PCSK5: variants seen among roughly 807,000 people sequenced by gnomAD.
PCSK5 encodes the protein proprotein convertase subtilisin/kexin type 5.
PCSK5 carries 129 observed loss-of-function variants against 233.2 expected under a neutral mutation model. The ratio of observed to expected loss-of-function variants is 0.55; its 90% confidence interval spans 0.48 to 0.64. The LOEUF (loss-of-function observed/expected upper bound fraction) is 0.64, where lower values mean the gene tolerates loss of function less well. PCSK5 is among the 30% of genes least tolerant of loss of function. The probability of loss-of-function intolerance (pLI) is 0.00; values close to 1 mark genes in which losing one functional copy is unlikely to be tolerated. For synonymous variants in PCSK5, 825 were observed against 879.2 expected (o/e 0.94, Z 1.09); for missense variants, 2,076 against 2,430.1 (o/e 0.85, Z 3.06).
At chr9:75,918,811 T>C (rs1823118561) in intron 1 of PCSK5, among the ~76,000 whole-genome samples, 2 of 152,258 alleles carry the variant, frequency 1.3e-5, no homozygotes, top group South Asian at 4.1e-4. Context: ...ATGTGGTTGC[T>C]ATGACTTTAG....
chr9:76,292,909 C>T (rs1828321778), intron 25 of PCSK5, among the ~76,000 whole-genome samples: 1 of 152,182 alleles, frequency 6.6e-6, no homozygotes, highest in African/African-American at 2.4e-5. Context: ...GATGCATGGG[C>T]TGCATAATCC....
intron 10 of PCSK5, among the ~76,000 whole-genome samples, chr9:76,141,876 G>C (rs1171699782): frequency 6.6e-6 from 1 of 152,050 alleles, no homozygotes; most frequent in South Asian, 2.1e-4. Flanking sequence ...ACTAACTCAG[G>C]AACAGAAAAC....
At chr9:76,036,452 G>A (rs1828863171) in intron 5 of PCSK5, among the ~76,000 whole-genome samples, 1 of 152,156 alleles carries the variant, frequency 6.6e-6, no homozygotes, top group African/African-American at 2.4e-5. Context: ...TGCTTTTAGA[G>A]GAGACCTAGG....
intron 28 of PCSK5, among the ~76,000 whole-genome samples, chr9:76,307,663 G>A (rs78962917): frequency 0.014 from 2,056 of 152,006 alleles, 42 homozygotes; most frequent in African/African-American, 0.048. Flanking sequence ...CTTATAGCCC[G>A]ACCAACAAGA....
chr9:76,321,328 C>A, intron 30 of PCSK5, 94 bp from the exon 31 acceptor site: 1 of 698,224 alleles, frequency 1.4e-6, no homozygotes, highest in Non-Finnish European at 2.6e-6. Context: ...CAGCAGCAGC[C>A]CTTTTGTTTT....
At chr9:76,172,374 G>GA (rs1036712501) in intron 13 of PCSK5, among the ~76,000 whole-genome samples, 25 of 150,284 alleles carry the variant, frequency 1.7e-4, no homozygotes, top group Admixed American at 1.4e-3. Flanking sequence ...GGGTAGAGGA[G>GA]AAAAAAAAAT....
chr9:76,149,525 T>G (rs976239277), intron 10 of PCSK5, among the ~76,000 whole-genome samples: 6 of 152,178 alleles, frequency 3.9e-5, no homozygotes, highest in Admixed American at 3.9e-4. Flanking sequence ...AAATAGGAAT[T>G]TTGGCTGCCG....
chr9:76,045,797 G>A (rs1453779339), intron 5 of PCSK5, among the ~76,000 whole-genome samples: 1 of 152,182 alleles, frequency 6.6e-6, no homozygotes, highest in Admixed American at 6.5e-5. Flanking sequence ...TTTAGATGTT[G>A]GGAGGAGATG....
intron 17 of PCSK5, 64 bp downstream of exon 17, chr9:76,184,821 G>GA (rs1345068370): frequency 1.6e-5 from 16 of 984,322 alleles, no homozygotes; most frequent in East Asian, 1.3e-4. Context: ...TAAATAAAAT[G>GA]AAAAAATGAT....
intron 5 of PCSK5, among the ~76,000 whole-genome samples, chr9:76,064,792 C>G (rs1322568969): frequency 6.7e-6 from 1 of 150,084 alleles, no homozygotes; most frequent in Non-Finnish European, 1.5e-5. Context: ...GGCAGAGGCG[C>G]TCCCCACATC....
chr9:76,020,683 G>A (rs1157504444), intron 3 of PCSK5, among the ~76,000 whole-genome samples: 3 of 152,234 alleles, frequency 2.0e-5, no homozygotes, highest in African/African-American at 2.4e-5. Context: ...AGCAGAGGTG[G>A]AAGAAAGGAA....
intron 2 of PCSK5, among the ~76,000 whole-genome samples, chr9:75,976,359 A>C (rs12376855): frequency 0.36 from 54,397 of 151,302 alleles, 11,275 homozygotes; most frequent in Non-Finnish European, 0.48. Flanking sequence ...CTCTTTACAT[A>C]AACTAAGTTC....
At chr9:76,221,912 A>G (rs1319451424) in intron 20 of PCSK5, among the ~76,000 whole-genome samples, 3 of 152,180 alleles carry the variant, frequency 2.0e-5, no homozygotes, top group Admixed American at 1.3e-4. Context: ...TGGGACCAGG[A>G]AGGATAAGTC....
chr9:76,197,315 C>G (rs2131263584), intron 20 of PCSK5, among the ~76,000 whole-genome samples: 1 of 152,288 alleles, frequency 6.6e-6, no homozygotes, highest in East Asian at 1.9e-4. Context: ...ACTTTCCACT[C>G]CAGTTATCAG....
intron 22 of PCSK5, among the ~76,000 whole-genome samples, chr9:76,234,861 C>T (rs1451026051): frequency 6.6e-6 from 1 of 152,170 alleles, no homozygotes; most frequent in African/African-American, 2.4e-5. Context: ...TTCTCTTGCT[C>T]CTAAGACTTC....
intron 20 of PCSK5, among the ~76,000 whole-genome samples, chr9:76,206,703 GA>G (rs1419983278): frequency 1.3e-5 from 2 of 152,210 alleles, no homozygotes; most frequent in Non-Finnish European, 2.9e-5. Flanking sequence ...CTGAGACTAA[GA>G]GATAAAGTAA....
chr9:76,041,291 C>G (rs1829106407), intron 5 of PCSK5, among the ~76,000 whole-genome samples: 1 of 152,104 alleles, frequency 6.6e-6, no homozygotes, highest in Admixed American at 6.5e-5. Context: ...CTTCTGGAGG[C>G]AATAGTATTT....
At position 76,359,747 on chromosome 9, in the gene PCSK5, G is replaced by A. The variant is rs1830395160; in HGVS notation, c.*825G>A. The A allele has an allele frequency of 6.6e-6, 1 of 151,890 alleles. No homozygotes were observed. The highest frequency in any genetic ancestry group is 6.6e-5 in the Admixed American group (1 of 15,246). The allele number at this position is 151,890 out of a possible 1,614,324, so 9.4% of individuals were successfully genotyped here. A position where few individuals can be genotyped will look rare whatever the true frequency, so the allele number is the denominator to read the frequency against. On this transcript the variant is annotated 3_prime_UTR_variant, in exon 38 of 38. Transcript: ENST00000674117. Reference sequence around the variant, plus strand: ...AGACATCGAATAATAAAAGAAAAATGGCAGTGTTAACCTAACATAAAATGG... The same window carrying A: ...AGACATCGAATAATAAAAGAAAAATAGCAGTGTTAACCTAACATAAAATGG...
chr9:76,225,412 A>T (rs997929869), intron 20 of PCSK5, among the ~76,000 whole-genome samples: 10 of 152,166 alleles, frequency 6.6e-5, no homozygotes, highest in Non-Finnish European at 8.8e-5. Context: ...GAACCTCTCC[A>T]TTCTTGTTCC....
Sources: gnomAD v4.1 joint callset for allele counts (sites outside exome capture counted in the v4.1 genomes callset) on GRCh38, gnomAD v4.1.1 for gene constraint, MANE v1.5 for transcripts, NCBI Gene and HGNC (gene_info 2026-07-23, HGNC 2026-07-21) for gene names.